The following LRMDA variants were observed in gnomAD, a reference collection of about 807,000 sequenced individuals.
The protein encoded by LRMDA is leucine rich melanocyte differentiation associated.
Under a neutral mutation model 29.8 loss-of-function variants are expected in LRMDA, and 18 were observed. That is an observed-to-expected ratio of 0.60 (90% CI 0.42 to 0.90). The LOEUF is 0.90. Ranked by LOEUF, LRMDA falls within the 40% of genes least tolerant of loss-of-function variation. The probability of loss-of-function intolerance (pLI) is 0.00; values close to 1 mark genes in which losing one functional copy is unlikely to be tolerated. For synonymous variants in LRMDA, 125 were observed against 109.4 expected (o/e 1.14, Z -0.89); for missense variants, 273 against 273.9 (o/e 1.00, Z 0.02).
At chr10:75,509,567 C>T (rs193147139) in intron 2 of LRMDA, among the ~76,000 whole-genome samples, 2 of 152,234 alleles carry the variant, frequency 1.3e-5, no homozygotes, top group East Asian at 1.9e-4. Context: ...TTCTTCCAGG[C>T]CTTATTTTAC....
At chr10:76,105,126 C>G (rs996408781) in intron 5 of LRMDA, among the ~76,000 whole-genome samples, 5 of 152,146 alleles carry the variant, frequency 3.3e-5, no homozygotes, top group Admixed American at 2.6e-4. Flanking sequence ...CAAGGGCCTC[C>G]TTCATCTTGG....
intron 2 of LRMDA, among the ~76,000 whole-genome samples, chr10:75,551,668 C>A (rs539973473): frequency 3.3e-5 from 5 of 152,066 alleles, no homozygotes; most frequent in Non-Finnish European, 5.9e-5. Context: ...TGAACTCATC[C>A]GTTTTTATGG....
intron 6 of LRMDA, among the ~76,000 whole-genome samples, chr10:76,524,048 A>G (rs41305709): frequency 0.02 from 3,046 of 152,368 alleles, 54 homozygotes; most frequent in South Asian, 0.1. Flanking sequence ...CAGCCATTTA[A>G]AAGTTTAATC....
At chr10:75,839,513 A>G (rs1215575854) in intron 2 of LRMDA, among the ~76,000 whole-genome samples, 2 of 151,492 alleles carry the variant, frequency 1.3e-5, no homozygotes, top group African/African-American at 4.9e-5. Context: ...CTTGGGGCAC[A>G]GCTAGTGCAG....
At chr10:75,951,030 C>T (rs577143641) in intron 2 of LRMDA, among the ~76,000 whole-genome samples, 7 of 152,176 alleles carry the variant, frequency 4.6e-5, no homozygotes, top group Non-Finnish European at 1.0e-4. Context: ...CTCAGTGAGG[C>T]CCAATATCGC....
At chr10:75,614,930 A>G (rs1363372733) in intron 2 of LRMDA, among the ~76,000 whole-genome samples, 1 of 152,038 alleles carries the variant, frequency 6.6e-6, no homozygotes, top group African/African-American at 2.4e-5. Flanking sequence ...CCCTGGGGAG[A>G]TGGAGTTAGG....
intron 2 of LRMDA, among the ~76,000 whole-genome samples, chr10:75,514,523 G>T (rs566572922): frequency 6.6e-6 from 1 of 152,214 alleles, no homozygotes; most frequent in Admixed American, 6.5e-5. Context: ...TTGGTCCCCA[G>T]TGTTGGAGGT....
chr10:75,709,186 T>G (rs939996565), intron 2 of LRMDA, among the ~76,000 whole-genome samples: 3 of 152,188 alleles, frequency 2.0e-5, no homozygotes, highest in Non-Finnish European at 4.4e-5. Context: ...TTAATTTTTT[T>G]TATTAAAAAA....
chr10:76,441,622 G>A (rs535253854), intron 6 of LRMDA, among the ~76,000 whole-genome samples: 4 of 152,274 alleles, frequency 2.6e-5, no homozygotes, highest in African/African-American at 9.6e-5. Flanking sequence ...ACCAGAATGT[G>A]TTTGGAATTG....
At chr10:75,818,024 G>A (rs969513161) in intron 2 of LRMDA, among the ~76,000 whole-genome samples, 1 of 152,226 alleles carries the variant, frequency 6.6e-6, no homozygotes, top group African/African-American at 2.4e-5. Flanking sequence ...TGAGCATGAT[G>A]GTTCCATGAA....
chr10:76,536,773 A>C lies in LRMDA; in HGVS notation c.602-20436A>C, dbSNP rs887287071. ...TCATTTGGCTAACGTGGTTACCGCC[A>C]GATGGATCCCCTCTAAAGGCTATGT... On this transcript the variant is annotated intron_variant, in intron 6 of 6. Transcript: ENST00000611255. Among the ~76,000 whole-genome samples, 4 of 152,330 alleles carry C rather than the reference A, an allele frequency of 2.6e-5. No homozygotes were observed. The East Asian group carries it at 7.7e-4, about 29-fold the overall frequency.
intron 2 of LRMDA, among the ~76,000 whole-genome samples, chr10:75,784,220 C>T (rs1440082356): frequency 6.6e-6 from 1 of 152,186 alleles, no homozygotes; most frequent in Non-Finnish European, 1.5e-5. Flanking sequence ...TATGTGACTG[C>T]AGGTAAGAGA....
chr10:76,159,677 A>G (rs1249618502), intron 5 of LRMDA, among the ~76,000 whole-genome samples: 1 of 152,208 alleles, frequency 6.6e-6, no homozygotes, highest in Non-Finnish European at 1.5e-5. Context: ...GGGTACATGC[A>G]GACAATGGAA....
At chr10:76,167,802 T>C (rs985413452) in intron 5 of LRMDA, among the ~76,000 whole-genome samples, 2 of 152,166 alleles carry the variant, frequency 1.3e-5, no homozygotes, top group African/African-American at 4.8e-5. Context: ...ATGTCAATGG[T>C]AGTTTAATGG....
intron 2 of LRMDA, among the ~76,000 whole-genome samples, chr10:75,769,724 G>A (rs761892404): frequency 4.6e-5 from 7 of 151,752 alleles, no homozygotes; most frequent in East Asian, 3.9e-4. Context: ...ATTTGTTTTC[G>A]ATTGCTTATG....
At chr10:76,201,160 G>C (rs773403957) in intron 5 of LRMDA, among the ~76,000 whole-genome samples, 9 of 147,690 alleles carry the variant, frequency 6.1e-5, no homozygotes, top group Non-Finnish European at 1.2e-4. Context: ...GCAATAGTGT[G>C]ATCTCGGCTC....
intron 2 of LRMDA, among the ~76,000 whole-genome samples, chr10:75,559,150 A>G (rs1191458466): frequency 6.6e-6 from 1 of 152,154 alleles, no homozygotes; most frequent in African/African-American, 2.4e-5. Flanking sequence ...TCCCACCAAC[A>G]GTGTAAAAGT....
chr10:76,144,969 G>A (rs1186524413), intron 5 of LRMDA, among the ~76,000 whole-genome samples: 2 of 152,000 alleles, frequency 1.3e-5, no homozygotes, highest in Non-Finnish European at 2.9e-5. Flanking sequence ...TTTTGTCTTT[G>A]GTTCTGTTTA....
In LRMDA at chr10:75,547,731, T is replaced by TA. The variant is rs959883079; in HGVS notation, c.131+109245dup. Among the ~76,000 whole-genome samples, 55 of 152,196 alleles carry TA rather than the reference T, an allele frequency of 3.6e-4. 2 individuals are homozygous for TA. In the South Asian group the frequency reaches 0.011, roughly 31 times the overall value. ...AGAAAAAGAAAGGTGGGCTGTTACG[T>TA]AAAAAAAATTATTTTGGCTGTTATA... On this transcript the variant is annotated intron_variant, in intron 2 of 6. Coordinates refer to ENST00000611255, the MANE Select transcript of LRMDA (RefSeq NM_001305581.2).
Sources: allele counts gnomAD v4.1 joint callset (sites outside exome capture counted in the v4.1 genomes callset), GRCh38; gene constraint gnomAD v4.1.1; transcripts MANE v1.5; gene names NCBI Gene and HGNC (gene_info 2026-07-23, HGNC 2026-07-21).